Variants in PDE10A observed in about 807,000 individuals in gnomAD.
PDE10A encodes the protein cAMP and cAMP-inhibited cGMP 3',5'-cyclic phosphodiesterase 10A.
Under a neutral mutation model 97.7 loss-of-function variants are expected in PDE10A, and 39 were observed. That is an observed-to-expected ratio of 0.40 (90% CI 0.31 to 0.52). The LOEUF (loss-of-function observed/expected upper bound fraction) is 0.52, where lower values mean the gene tolerates loss of function less well. PDE10A is among the 20% of genes least tolerant of loss of function. PDE10A has a pLI of 0.56. For synonymous variants in PDE10A, 371 were observed against 376.8 expected (o/e 0.98, Z 0.18); for missense variants, 731 against 1,047.8 (o/e 0.70, Z 4.17).
chr6:165,553,106 G>A lies in PDE10A; in HGVS notation c.866-9538C>T, dbSNP rs62443818. 1.2e-3 allele frequency among the ~76,000 whole-genome samples: 189 copies of A among 152,190 alleles called. 1 individual carries two copies. Among genetic ancestry groups the A allele is most frequent in the Non-Finnish European group, 2.3e-3 (156 of 68,018 alleles). On this transcript the variant is annotated intron_variant, in intron 1 of 21. Transcript: ENST00000539869. ...TCACTTTCCTTTTTTCATCTAAAGAGTTTAAATATGTAATATGTCACCCTT... is the reference window on the plus strand; with the variant it reads ...TCACTTTCCTTTTTTCATCTAAAGAATTTAAATATGTAATATGTCACCCTT...
At chr6:165,824,312 A>G (rs1779663107) in intron 1 of PDE10A, among the ~76,000 whole-genome samples, 2 of 152,268 alleles carry the variant, frequency 1.3e-5, no homozygotes, top group Admixed American at 1.3e-4. Context: ...GAAACAAAAC[A>G]AAAATTCAAC....
chr6:165,638,694 A>G lies in PDE10A; in HGVS notation c.865+23253T>C, dbSNP rs191385001. ...ATATATACTAACCAAAACTGGTAAA[A>G]GTTAAGTTCGTCATCCCAAGGTTAA... is the stretch of plus-strand genomic sequence containing the variant. On this transcript the variant is annotated intron_variant, in intron 1 of 21. Transcript: ENST00000539869. Among the ~76,000 whole-genome samples, 17 of 152,354 alleles carry G rather than the reference A, an allele frequency of 1.1e-4. No individual in the cohort carries two copies. In the East Asian group the frequency reaches 3.3e-3, roughly 29 times the overall value.
rs555578171 is a variant in PDE10A, at chr6:165,436,764, C to A, written c.1195-1387G>T. Among the ~76,000 whole-genome samples, 183 of 152,146 alleles carry A rather than the reference C, an allele frequency of 1.2e-3. 1 individual carries two copies. Among genetic ancestry groups the A allele is most frequent in the African/African-American group, 4.3e-3 (177 of 41,518 alleles). ...GTTATTCCTTAAAAGGCTGGAAAAA[C>A]CATTTTCTAGTTACTATAATTACAT... On this transcript the variant is annotated intron_variant, in intron 5 of 21. Coordinates refer to ENST00000539869, the MANE Select transcript of PDE10A (RefSeq NM_001385079.1).
At chr6:165,419,635 C>G (rs1421395007) in intron 10 of PDE10A, among the ~76,000 whole-genome samples, 10 of 152,198 alleles carry the variant, frequency 6.6e-5, no homozygotes, top group Non-Finnish European at 1.5e-4. Context: ...TTTCCTTCAA[C>G]AAATATGTCT....
intron 2 of PDE10A, among the ~76,000 whole-genome samples, chr6:165,500,726 A>G (rs1583415853): frequency 6.6e-6 from 1 of 152,004 alleles, no homozygotes; most frequent in Non-Finnish European, 1.5e-5. Flanking sequence ...TGCAGTTGAG[A>G]TAAGAGGAAG....
intron 1 of PDE10A, among the ~76,000 whole-genome samples, chr6:165,804,984 G>T (rs2128466203): frequency 6.8e-6 from 1 of 147,474 alleles, no homozygotes; most frequent in East Asian, 2.1e-4. Flanking sequence ...GGACGGCGGG[G>T]CCTGGAGCGA....
At chr6:165,515,365 A>C (rs1412025688) in intron 2 of PDE10A, among the ~76,000 whole-genome samples, 1 of 152,118 alleles carries the variant, frequency 6.6e-6, no homozygotes, top group African/African-American at 2.4e-5. Flanking sequence ...ATTAACATCC[A>C]ATAAATAATT....
chr6:165,485,955 G>A (rs1406264857), intron 2 of PDE10A, among the ~76,000 whole-genome samples: 1 of 152,228 alleles, frequency 6.6e-6, no homozygotes, highest in Admixed American at 6.5e-5. Context: ...TACTGTTGGT[G>A]AAGAGTTGAT....
At chr6:165,817,203 G>C (rs1158679234) in intron 1 of PDE10A, among the ~76,000 whole-genome samples, 1 of 152,072 alleles carries the variant, frequency 6.6e-6, no homozygotes, top group Non-Finnish European at 1.5e-5. Context: ...AGCCCTTTAT[G>C]TAGAGGGATC....
chr6:165,740,417 G>A (rs75569414), intron 1 of PDE10A, among the ~76,000 whole-genome samples: 8,946 of 151,838 alleles, frequency 0.059, 360 homozygotes, highest in South Asian at 0.18. Context: ...TGCAACCTCC[G>A]TCCCCCAGGT....
At chr6:165,707,212 C>T (rs1365987437) in intron 1 of PDE10A, among the ~76,000 whole-genome samples, 1 of 152,228 alleles carries the variant, frequency 6.6e-6, no homozygotes, top group African/African-American at 2.4e-5. Context: ...GGTCCTTGAG[C>T]CAGAGTCCAG....
At chr6:165,397,662 A>AT in intron 13 of PDE10A, among the ~76,000 whole-genome samples, 1 of 143,800 alleles carries the variant, frequency 7.0e-6, no homozygotes, top group African/African-American at 2.6e-5. Context: ...AGATGGCGCC[A>AT]TTGCACTCTA....
intron 1 of PDE10A, among the ~76,000 whole-genome samples, chr6:165,864,134 T>G (rs977826340): frequency 2.5e-4 from 38 of 152,108 alleles, no homozygotes; most frequent in South Asian, 1.2e-3. Flanking sequence ...TGCTTCGCTG[T>G]TCTGGCCCAT....
Position 165,427,128 on chromosome 6 carries a change from T to C in PDE10A, c.1653+1530A>G, listed in dbSNP as rs1288755532. ...ACTCCTAGATATATACCCCAAACAA[T>C]GGAAAACAGGCATTCAAACAAAAAC... On this transcript the variant is annotated intron_variant, in intron 10 of 21. Transcript: ENST00000539869. Among the ~76,000 whole-genome samples, 4 of 152,058 alleles carry C rather than the reference T, an allele frequency of 2.6e-5. No individual in the cohort carries two copies. In the East Asian group the frequency reaches 5.8e-4, roughly 22 times the overall value.
chr6:165,493,240 T>G (rs578074073), intron 2 of PDE10A, among the ~76,000 whole-genome samples: 1 of 152,186 alleles, frequency 6.6e-6, no homozygotes, highest in South Asian at 2.1e-4. Flanking sequence ...GAATCAATAC[T>G]GTGAAAATGA....
At chr6:165,808,508 T>A (rs775908456) in intron 1 of PDE10A, among the ~76,000 whole-genome samples, 3 of 152,192 alleles carry the variant, frequency 2.0e-5, no homozygotes, top group Non-Finnish European at 4.4e-5. Context: ...GCCCCAGCTG[T>A]CTTCTCTGGA....
intron 1 of PDE10A, among the ~76,000 whole-genome samples, chr6:165,840,003 T>G (rs1780208696): frequency 4.4e-4 from 1 of 2,250 alleles, no homozygotes; most frequent in Non-Finnish European, 1.0e-3. Context: ...CTCCATCCCA[T>G]CTCCATCCTC....
intron 1 of PDE10A, among the ~76,000 whole-genome samples, chr6:165,709,801 C>T (rs1445593238): frequency 6.7e-6 from 1 of 149,034 alleles, no homozygotes; most frequent in East Asian, 2.0e-4. Flanking sequence ...TGCTTCCAGC[C>T]TCGCTGTCCT....
chr6:165,703,519 G>C (rs1791631737), intron 1 of PDE10A, among the ~76,000 whole-genome samples: 1 of 152,208 alleles, frequency 6.6e-6, no homozygotes, highest in South Asian at 2.1e-4. Context: ...AGGAGAGATG[G>C]TAGACCAGCT....
Sources: allele counts gnomAD v4.1 joint callset (sites outside exome capture counted in the v4.1 genomes callset), GRCh38; gene constraint gnomAD v4.1.1; transcripts MANE v1.5; gene names NCBI Gene and HGNC (gene_info 2026-07-23, HGNC 2026-07-21).